MED12L: variants seen among roughly 807,000 people sequenced by gnomAD.
MED12L encodes mediator complex subunit 12L, also known as mediator of RNA polymerase II transcription subunit 12-like protein.
A neutral mutation model predicts 281.3 loss-of-function variants in MED12L; 60 were observed. That is an observed-to-expected ratio of 0.21 (90% CI 0.17 to 0.26). MED12L has a LOEUF of 0.26. Among genes scored for constraint, MED12L ranks in the 10% least tolerant of loss-of-function variants. The probability of loss-of-function intolerance (pLI) is 1.00; values close to 1 mark genes in which losing one functional copy is unlikely to be tolerated. For synonymous variants in MED12L, 974 were observed against 987.2 expected, an observed-to-expected ratio of 0.99 and a Z score of 0.25; for missense variants, 2,146 against 2,680.9, an observed-to-expected ratio of 0.80 and a Z score of 4.41.
intron 5 of MED12L, among the ~76,000 whole-genome samples, chr3:151,141,628 G>A (rs1220044758): frequency 6.6e-6 from 1 of 152,138 alleles, no homozygotes; most frequent in African/African-American, 2.4e-5. Flanking sequence ...TATGAGCTAT[G>A]CCTTAAAGAA....
At chr3:151,232,997 C>T (rs2149335093) in intron 16 of MED12L, among the ~76,000 whole-genome samples, 1 of 152,276 alleles carries the variant, frequency 6.6e-6, no homozygotes, top group African/African-American at 2.4e-5. Context: ...ATTCTTCTAA[C>T]AGCTATTACC....
At chr3:151,290,116 C>T (rs1413043503) in intron 16 of MED12L, among the ~76,000 whole-genome samples, 1 of 152,162 alleles carries the variant, frequency 6.6e-6, no homozygotes, top group African/African-American at 2.4e-5. Context: ...TGGTCTTGAA[C>T]TCCTGACCTT....
At position 151,182,560 on chromosome 3, in the gene MED12L, C is replaced by T. The variant is rs138393481; in HGVS notation, c.1495-2770C>T. 1.8e-3 allele frequency among the ~76,000 whole-genome samples: 277 copies of T among 152,090 alleles called. 1 individual carries two copies. The highest frequency in any genetic ancestry group is 5.9e-3 in the African/African-American group (243 of 41,492). ...AGATAAGGGGCTGCTCTGTGAAACTCGGGGGTAAGGAACGCACTGGAGGGA... is the reference window on the plus strand; with the variant it reads ...AGATAAGGGGCTGCTCTGTGAAACTTGGGGGTAAGGAACGCACTGGAGGGA... On this transcript the variant is annotated intron_variant, in intron 11 of 44. Transcript: ENST00000687756.
intron 26 of MED12L, among the ~76,000 whole-genome samples, chr3:151,371,098 A>G (rs1015620544): frequency 3.3e-5 from 5 of 152,158 alleles, no homozygotes; most frequent in Non-Finnish European, 7.4e-5. Flanking sequence ...AAACTAAATG[A>G]GGATCTCCTA....
intron 16 of MED12L, among the ~76,000 whole-genome samples, chr3:151,313,043 A>G (rs1352258892): frequency 2.0e-5 from 3 of 152,172 alleles, no homozygotes; most frequent in African/African-American, 7.2e-5. Context: ...CTATTTGCAC[A>G]TGTTATTTGT....
intron 16 of MED12L, among the ~76,000 whole-genome samples, chr3:151,246,514 A>C (rs1470142309): frequency 6.6e-6 from 1 of 152,158 alleles, no homozygotes; most frequent in Non-Finnish European, 1.5e-5. Context: ...AAAACAAGCA[A>C]TGGGGAAAGG....
At chr3:151,344,296 AC>A (rs1223024491) in intron 16 of MED12L, among the ~76,000 whole-genome samples, 1 of 69,706 alleles carries the variant, frequency 1.4e-5, no homozygotes, top group Non-Finnish European at 2.6e-5. Flanking sequence ...ATGTATAGTT[AC>A]TAATGATTAA....
intron 16 of MED12L, among the ~76,000 whole-genome samples, chr3:151,208,734 A>G (rs150210441): frequency 5.9e-4 from 90 of 152,292 alleles, no homozygotes; most frequent in African/African-American, 2.1e-3. Context: ...TTGTATGGAT[A>G]TGATGAGGGC....
intron 9 of MED12L, among the ~76,000 whole-genome samples, chr3:151,164,911 G>A (rs1300423543): frequency 6.6e-6 from 1 of 152,014 alleles, no homozygotes; most frequent in East Asian, 1.9e-4. Flanking sequence ...TAAACGATGA[G>A]TTAATGGGTG....
intron 16 of MED12L, among the ~76,000 whole-genome samples, chr3:151,275,230 A>G (rs184389641): frequency 1.4e-4 from 21 of 152,310 alleles, no homozygotes; most frequent in African/African-American, 4.8e-4. Context: ...AAGTGATCAC[A>G]CCACAAGTGT....
In MED12L at chr3:151,327,939, A is replaced by G. The variant is rs573827831; in HGVS notation, c.2251-22120A>G. 20 of 1,275,736 alleles carry G rather than the reference A, an allele frequency of 1.6e-5. No homozygotes were observed. The Admixed American group carries it at 4.3e-4, about 27-fold the overall frequency. 79.0% of individuals were successfully genotyped at this position (1,275,736 alleles called of 1,614,324 possible). A position where few individuals can be genotyped will look rare whatever the true frequency, so the allele number is the denominator to read the frequency against. ...TTTCTTGGTTAAATTTGATTTCCAC[A>G]TTATCTACGGAAGTCTCATCAATAA... On this transcript the variant is annotated intron_variant, in intron 16 of 44. Coordinates refer to ENST00000687756, the MANE Select transcript of MED12L (RefSeq NM_001393769.1).
chr3:151,231,640 G>A lies in MED12L; in HGVS notation c.2250+37974G>A, dbSNP rs562206825. Among the ~76,000 whole-genome samples the A allele has an allele frequency of 2.0e-4, 30 of 152,286 alleles. 1 individual carries two copies. The South Asian group carries it at 5.6e-3, about 28-fold the overall frequency. On this transcript the variant is annotated intron_variant, in intron 16 of 44. Transcript: ENST00000687756. ...CATGATGGGCTGGAAGGGGACAGTC[G>A]TAGATTAAAACAGGCCAAAGAGAAA...
intron 16 of MED12L, chr3:151,249,193 C>T (rs1386508247): frequency 6.6e-6 from 1 of 152,122 alleles, no homozygotes; most frequent in Non-Finnish European, 1.5e-5. Context: ...AGTATGAAAC[C>T]AGCTGTGAAA....
chr3:151,171,950 G>T (rs560138680), intron 11 of MED12L, among the ~76,000 whole-genome samples: 3 of 152,296 alleles, frequency 2.0e-5, no homozygotes, highest in Admixed American at 2.0e-4. Context: ...GAGATGCTCA[G>T]TCGCATTTAT....
At chr3:151,291,061 T>C (rs1208386372) in intron 16 of MED12L, among the ~76,000 whole-genome samples, 1 of 152,204 alleles carries the variant, frequency 6.6e-6, no homozygotes, top group Non-Finnish European at 1.5e-5. Context: ...TTAGTATTTA[T>C]TGATAATTGG....
chr3:151,318,211 T>C (rs1300934863), intron 16 of MED12L, among the ~76,000 whole-genome samples: 3 of 152,118 alleles, frequency 2.0e-5, no homozygotes, highest in African/African-American at 7.2e-5. Context: ...GGGAAGGTGT[T>C]TGAATAACAA....
intron 16 of MED12L, among the ~76,000 whole-genome samples, chr3:151,259,646 G>A (rs1738492320): frequency 6.6e-6 from 1 of 152,130 alleles, no homozygotes; most frequent in Non-Finnish European, 1.5e-5. Flanking sequence ...AAGATAGGTA[G>A]GTTTTACTTT....
intron 16 of MED12L, chr3:151,198,843 A>C: frequency 1.2e-6 from 2 of 1,613,872 alleles, no homozygotes; most frequent in Non-Finnish European, 1.7e-6. Context: ...ACACATATGA[A>C]ATTTGTCAGC....
chr3:151,394,558 A>G, intron 38 of MED12L, 98 bp from the exon 39 acceptor site: 1 of 1,552,726 alleles, frequency 6.4e-7, no homozygotes. Flanking sequence ...TTGTTCATAA[A>G]GTGAGACTTA....
Sources: allele counts gnomAD v4.1 joint callset (sites outside exome capture counted in the v4.1 genomes callset), GRCh38; gene constraint gnomAD v4.1.1; transcripts MANE v1.5; gene names NCBI Gene and HGNC (gene_info 2026-07-23, HGNC 2026-07-21).